RNF8: variants seen among roughly 807,000 people sequenced by gnomAD.
The protein encoded by RNF8 is E3 ubiquitin-protein ligase RNF8.
Under a neutral mutation model 59.3 loss-of-function variants are expected in RNF8, and 8 were observed. The observed-to-expected ratio is 0.13, with a 90% confidence interval of 0.08 to 0.24. The LOEUF (loss-of-function observed/expected upper bound fraction) is 0.24. Among genes scored for constraint, RNF8 ranks in the 10% least tolerant of loss-of-function variants. RNF8 has a pLI of 1.00. For synonymous variants in RNF8, 162 were observed against 200.0 expected (o/e 0.81, Z 1.60); for missense variants, 406 against 572.6 (o/e 0.71, Z 2.97).
chr6:37,360,240 C>T lies in RNF8; in HGVS notation c.112-206C>T, dbSNP rs1191563643. On this transcript the variant is annotated intron_variant, in intron 1 of 7. Coordinates refer to ENST00000373479, the MANE Select transcript of RNF8 (RefSeq NM_003958.4). The surrounding 1 kb of genome is among the most constrained non-coding windows in gnomAD (Gnocchi z 4.2). Reference sequence around the variant, plus strand: ...ATGGATAACTCTTTTTCAGCTTTCTCTTGTTGTCACAACCGTTTGCCTTTT... The same window carrying T: ...ATGGATAACTCTTTTTCAGCTTTCTTTTGTTGTCACAACCGTTTGCCTTTT... Among the ~76,000 whole-genome samples, 1 of 152,182 alleles carries T rather than the reference C, an allele frequency of 6.6e-6. No homozygotes were observed. The highest frequency in any genetic ancestry group is 1.5e-5 in the Non-Finnish European group (1 of 68,044).
chr6:37,378,617 A>AG (rs1378665944), intron 6 of RNF8, among the ~76,000 whole-genome samples: 5 of 150,940 alleles, frequency 3.3e-5, no homozygotes, highest in African/African-American at 1.2e-4. Context: ...AAAAAAAAAA[A>AG]AAAAAAGAAA....
intron 5 of RNF8, among the ~76,000 whole-genome samples, chr6:37,375,816 C>G (rs543817563): frequency 4.5e-4 from 68 of 152,370 alleles, no homozygotes; most frequent in African/African-American, 1.5e-3. Flanking sequence ...GGCCTATCCT[C>G]TCCCCCTCAG....
chr6:37,354,012 G>GGCGA lies in RNF8; in HGVS notation c.-149_-146dup, dbSNP rs1409450904. 4.1e-5 allele frequency: 29 copies of GGCGA among 701,300 alleles called. No individual in the cohort carries two copies. Among genetic ancestry groups the GGCGA allele is most frequent in the Non-Finnish European group, 6.3e-5 (26 of 411,148 alleles). 43.4% of individuals were successfully genotyped at this position (701,300 alleles called of 1,614,324 possible). ...TGCTCCTGCTTCCTGGCCGAGGGCG[G>GGCGA]GCGAGCGGAGCCTGCTTTCGCAGCG... On this transcript the variant is annotated 5_prime_UTR_variant, in exon 1 of 8. Coordinates refer to ENST00000373479, the MANE Select transcript of RNF8 (RefSeq NM_003958.4).
At chr6:37,366,608 C>G (rs1769566095) in intron 2 of RNF8, among the ~76,000 whole-genome samples, 1 of 152,308 alleles carries the variant, frequency 6.6e-6, no homozygotes, top group Middle Eastern at 3.4e-3. Context: ...GAAACAAGGG[C>G]CTAATGCCAA....
chr6:37,359,331 A>G (rs1277690778), intron 1 of RNF8: 6 of 380,946 alleles, frequency 1.6e-5, no homozygotes, highest in Non-Finnish European at 3.1e-5. Flanking sequence ...GTTGAATTAT[A>G]ACTGGCTGAA....
chr6:37,377,058 CTTCTT>C, intron 6 of RNF8, 25 bp downstream of exon 6: 1 of 692,122 alleles, frequency 1.4e-6, no homozygotes, highest in Non-Finnish European at 2.3e-6. Flanking sequence ...TTGCTCACCC[CTTCTT>C]TTTTTTTTTT....
chr6:37,394,724 A>G lies in RNF8; in HGVS notation c.*3966A>G, dbSNP rs1770814354. On this transcript the variant is annotated 3_prime_UTR_variant, in exon 8 of 8. Coordinates refer to ENST00000373479, the MANE Select transcript of RNF8 (RefSeq NM_003958.4). ...ACTCTGCATGTATTCAATAAATTCA[A>G]TTCAGCAATAGTTATCAAATGCCCA... 6.6e-6 allele frequency: 1 copy of G among 152,194 alleles called. No individual in the cohort carries two copies. The highest frequency in any genetic ancestry group is 6.5e-5 in the Admixed American group (1 of 15,282). 9.4% of individuals were successfully genotyped at this position (152,194 alleles called of 1,614,324 possible). A position where few individuals can be genotyped will look rare whatever the true frequency, so the allele number is the denominator to read the frequency against.
chr6:37,364,787 T>G (rs1478355046), intron 2 of RNF8, among the ~76,000 whole-genome samples: 1 of 152,224 alleles, frequency 6.6e-6, no homozygotes, highest in African/African-American at 2.4e-5. Flanking sequence ...TTTTATATTT[T>G]GAGATGGAGT....
chr6:37,384,904 T>A (rs150253397), intron 7 of RNF8, among the ~76,000 whole-genome samples: 1 of 152,326 alleles, frequency 6.6e-6, no homozygotes, highest in East Asian at 1.9e-4. Context: ...CATTTCTGCC[T>A]GCCTTGTATA....
chr6:37,360,623 CTTTTTTT>C lies in RNF8; in HGVS notation c.240+57_240+63del, dbSNP rs34469147. 4 of 1,269,130 alleles carry C rather than the reference CTTTTTTT, an allele frequency of 3.2e-6. No homozygotes were observed. The highest frequency in any genetic ancestry group is 4.3e-6 in the Non-Finnish European group (4 of 937,252). The allele number at this position is 1,269,130 out of a possible 1,614,324, so 78.6% of individuals were successfully genotyped here. ...ATGACTTTTATTTGTTTTTAAATTACTTTTTTTTTTTTTTGCATAGGTAATTCATGGT... is the reference window on the plus strand; with the variant it reads ...ATGACTTTTATTTGTTTTTAAATTACTTTTTTTGCATAGGTAATTCATGGT... On this transcript the variant is annotated intron_variant, in intron 2 of 7. Coordinates refer to ENST00000373479, the MANE Select transcript of RNF8 (RefSeq NM_003958.4). The surrounding 1 kb of genome is among the most constrained non-coding windows in gnomAD (Gnocchi z 4.2).
chr6:37,367,766 A>G (rs185824487), intron 2 of RNF8, among the ~76,000 whole-genome samples: 49 of 152,290 alleles, frequency 3.2e-4, no homozygotes, highest in African/African-American at 1.2e-3. Flanking sequence ...TACATGCATT[A>G]TCTTATTCAT....
At chr6:37,381,066 C>A in intron 6 of RNF8, 84 bp from the exon 7 acceptor site, 2 of 1,172,448 alleles carry the variant, frequency 1.7e-6, no homozygotes, top group Non-Finnish European at 2.5e-6. Flanking sequence ...TTGAAATTCA[C>A]TCCTGTCCTA....
intron 6 of RNF8, among the ~76,000 whole-genome samples, chr6:37,380,180 T>C (rs1385260612): frequency 6.6e-6 from 1 of 152,152 alleles, no homozygotes; most frequent in Non-Finnish European, 1.5e-5. Context: ...GCTCCCCAAG[T>C]GCTGGGATTA....
chr6:37,375,371 T>A (rs1581685597), intron 5 of RNF8, among the ~76,000 whole-genome samples: 1 of 152,218 alleles, frequency 6.6e-6, no homozygotes, highest in African/African-American at 2.4e-5. Context: ...AAGTGAAATA[T>A]CCCAAATTTT....
chr6:37,368,639 A>G lies in RNF8; in HGVS notation c.396A>G (p.Ile132Met). ...TTACTGAAGAAGACTGGGAGACAAT[A>G]TATCCTTGTCTTTCCCCAAAGAATG... ...YEVTEEDWETIYPCLSPKNDQ... is the reference protein window; with the variant it reads ...YEVTEEDWETMYPCLSPKNDQ... Residue 132 changes from isoleucine to methionine, a missense_variant, in exon 3 of 8, where the codon ATA becomes ATG. This residue lies in a region of RNF8 where 285 missense variants were observed against 342.0 expected (regional missense o/e 0.83). Coordinates refer to ENST00000373479, the MANE Select transcript of RNF8 (RefSeq NM_003958.4). 1 of 1,614,134 alleles carries G rather than the reference A, an allele frequency of 6.2e-7. No individual in the cohort carries two copies. The highest frequency in any genetic ancestry group is 1.3e-5 in the African/African-American group (1 of 75,072).
chr6:37,361,215 C>T (rs1348313103), intron 2 of RNF8: 1 of 454,378 alleles, frequency 2.2e-6, no homozygotes, highest in East Asian at 7.0e-5. Context: ...CCTGTAGTCC[C>T]AACTACTGGA....
intron 3 of RNF8, 40 bp from the exon 4 acceptor site, chr6:37,371,472 T>C: frequency 6.3e-7 from 1 of 1,581,918 alleles, no homozygotes; most frequent in Non-Finnish European, 8.7e-7. Flanking sequence ...TTTTTTCTTT[T>C]CCCTGCAGAG....
intron 7 of RNF8, among the ~76,000 whole-genome samples, chr6:37,390,388 T>G (rs766241088): frequency 1.3e-4 from 20 of 151,982 alleles, no homozygotes; most frequent in Non-Finnish European, 2.8e-4. Flanking sequence ...CATGCTGCCA[T>G]GTAGGGAAAG....
intron 3 of RNF8, 72 bp downstream of exon 3, chr6:37,369,290 A>T: frequency 1.4e-6 from 2 of 1,467,792 alleles, no homozygotes; most frequent in Admixed American, 2.8e-5. Flanking sequence ...CTCTGGCCAG[A>T]GTTCTCAGTT....
Sources: gnomAD v4.1 joint callset for allele counts (sites outside exome capture counted in the v4.1 genomes callset) on GRCh38, gnomAD v4.1.1 for gene constraint, gnomAD v4.1.1 regional missense constraint, Gnocchi (gnomAD v3.1) non-coding constraint, MANE v1.5 for transcripts, NCBI Gene and HGNC (gene_info 2026-07-23, HGNC 2026-07-21) for gene names.